The following AOAH variants were observed in gnomAD, a reference collection of about 807,000 sequenced individuals.
AOAH encodes the protein acyloxyacyl hydrolase.
AOAH carries 64 observed loss-of-function variants against 92.2 expected under a neutral mutation model. The ratio of observed to expected loss-of-function variants is 0.69; its 90% CI spans 0.57 to 0.86. AOAH has a LOEUF of 0.86. Ranked by LOEUF, AOAH falls within the 40% of genes least tolerant of loss-of-function variation. The pLI, the probability that AOAH is intolerant of heterozygous loss-of-function variation, is 0.00. For missense variants in AOAH, 656 were observed against 694.6 expected, an observed-to-expected ratio of 0.94 and a Z score of 0.62; for synonymous variants, 263 against 254.5, an observed-to-expected ratio of 1.03 and a Z score of -0.32.
chr7:36,537,265 T>A lies in AOAH; in HGVS notation c.1306+3054A>T, dbSNP rs1452775393. The stretch of plus-strand genomic sequence containing the variant: ...TTTTTTTTTTTTCCAAAACTACTGA[T>A]GTTTCTGTAGAACAAACTTGTTCTA... On this transcript the variant is annotated intron_variant, in intron 16 of 20. Transcript: ENST00000617537. Among the ~76,000 whole-genome samples the A allele has an allele frequency of 2.0e-5, 3 of 150,230 alleles. No homozygotes were observed. The Admixed American group carries it at 2.0e-4, about 10-fold the overall frequency.
intron 20 of AOAH, among the ~76,000 whole-genome samples, chr7:36,518,451 A>C (rs548190778): frequency 6.0e-4 from 91 of 152,310 alleles, no homozygotes; most frequent in African/African-American, 2.0e-3. Context: ...TCATTTTACC[A>C]GCGGAAACTT....
intron 19 of AOAH, among the ~76,000 whole-genome samples, chr7:36,524,297 T>C (rs1157118041): frequency 6.6e-6 from 1 of 152,010 alleles, no homozygotes; most frequent in Non-Finnish European, 1.5e-5. Context: ...CGCAGTATGA[T>C]GGCATAGGTA....
intron 3 of AOAH, among the ~76,000 whole-genome samples, chr7:36,667,890 C>T (rs564623490): frequency 5.3e-5 from 8 of 152,164 alleles, no homozygotes; most frequent in African/African-American, 1.9e-4. Flanking sequence ...TTGATTAATG[C>T]TAGCATGGTA....
Position 36,542,884 on chromosome 7 carries a change from T to C in AOAH, c.1134-2393A>G, listed in dbSNP as rs565783840. On this transcript the variant is annotated intron_variant, in intron 15 of 20. Transcript: ENST00000617537. ...TGCTTTAGAATGGTTAGTCTTACAT[T>C]ATGTGAATTTCACCTGAATAAAAAA... Among the ~76,000 whole-genome samples the C allele has an allele frequency of 2.8e-4, 42 of 152,324 alleles. No homozygotes were observed. The South Asian group carries it at 3.7e-3, about 14-fold the overall frequency.
intron 1 of AOAH, among the ~76,000 whole-genome samples, chr7:36,700,489 A>C (rs765368223): frequency 4.6e-5 from 7 of 152,070 alleles, no homozygotes; most frequent in Non-Finnish European, 8.8e-5. Flanking sequence ...ATGTTGTTGC[A>C]AAAGACATGA....
intron 4 of AOAH, among the ~76,000 whole-genome samples, chr7:36,648,485 A>G (rs1794371641): frequency 6.6e-6 from 1 of 151,936 alleles, no homozygotes; most frequent in Non-Finnish European, 1.5e-5. Context: ...TGTGTGGCAT[A>G]TTACAAAACA....
chr7:36,513,019 A>C lies in AOAH; in HGVS notation c.*233T>G, dbSNP rs1175367912. Reference sequence around the variant, plus strand: ...TCTTGTTTGGAATGGCACCCAAAGCACTTTATGAAAGGTTATTTCAGGAAC... The same window carrying C: ...TCTTGTTTGGAATGGCACCCAAAGCCCTTTATGAAAGGTTATTTCAGGAAC... On this transcript the variant is annotated 3_prime_UTR_variant, in exon 21 of 21. Coordinates refer to ENST00000617537, the MANE Select transcript of AOAH (RefSeq NM_001637.4). 1.3e-6 allele frequency: 2 copies of C among 1,528,978 alleles called. No individual in the cohort carries two copies. Among genetic ancestry groups the C allele is most frequent in the Non-Finnish European group, 1.8e-6 (2 of 1,140,862 alleles). The allele number at this position is 1,528,978 out of a possible 1,614,324, so 94.7% of individuals were successfully genotyped here.
intron 13 of AOAH, among the ~76,000 whole-genome samples, chr7:36,562,662 C>T (rs1180070380): frequency 6.6e-6 from 1 of 152,108 alleles, no homozygotes; most frequent in Non-Finnish European, 1.5e-5. Flanking sequence ...TCCATAAATG[C>T]ATATTCAGAA....
chr7:36,621,596 G>GA, intron 8 of AOAH, 114 bp downstream of exon 8: 7 of 1,009,464 alleles, frequency 6.9e-6, no homozygotes, highest in Non-Finnish European at 1.1e-5. Flanking sequence ...ATCGGAACAT[G>GA]AAAATCTCTT....
intron 15 of AOAH, among the ~76,000 whole-genome samples, chr7:36,545,064 T>C (rs3915168): frequency 6.6e-6 from 1 of 151,346 alleles, no homozygotes; most frequent in South Asian, 2.1e-4. Flanking sequence ...TTTTTTTTTT[T>C]AAATAGAGAC....
intron 19 of AOAH, among the ~76,000 whole-genome samples, chr7:36,529,231 TAA>T (rs61477972): frequency 6.9e-6 from 1 of 145,140 alleles, no homozygotes; most frequent in African/African-American, 2.5e-5. Flanking sequence ...CTCTGGAAAG[TAA>T]AAAAAAAAAG....
rs1488446450 is a variant in AOAH at position 36,516,237 on chromosome 7, C to T, written c.1600-2857G>A. ...CATCCTACACACACCCCACACACAC[C>T]TCACACAGATACCACCACATGCACA... On this transcript the variant is annotated intron_variant, in intron 20 of 20. Transcript: ENST00000617537. This position sits in a 1 kb window ranked among gnomAD's most constrained non-coding sequence, Gnocchi z 5.0. Among the ~76,000 whole-genome samples the T allele has an allele frequency of 6.7e-6, 1 of 150,288 alleles. No individual in the cohort carries two copies. The highest frequency in any genetic ancestry group is 2.5e-5 in the African/African-American group (1 of 40,810).
At chr7:36,699,632 TATTTG>T (rs200721499) in intron 1 of AOAH, among the ~76,000 whole-genome samples, 30 of 23,036 alleles carry the variant, frequency 1.3e-3, no homozygotes, top group East Asian at 6.5e-3. Flanking sequence ...TAAATTGGAT[TATTTG>T]TTTTTTTTTT....
rs574426663 is a variant in AOAH, at chr7:36,516,793, CCTAT to C, written c.1600-3417_1600-3414del. Among the ~76,000 whole-genome samples, 97 of 152,194 alleles carry C rather than the reference CCTAT, an allele frequency of 6.4e-4. No homozygotes were observed. The highest frequency in any genetic ancestry group is 1.5e-3 in the African/African-American group (64 of 41,524). On this transcript the variant is annotated intron_variant, in intron 20 of 20. Coordinates refer to ENST00000617537, the MANE Select transcript of AOAH (RefSeq NM_001637.4). The surrounding 1 kb of genome is among the most constrained non-coding windows in gnomAD (Gnocchi z 5.0). ...TATGTGGTACCAAGGCATTTATTTC[CCTAT>C]CTATGTTAATAAGGGAGGAGACAGG...
intron 15 of AOAH, among the ~76,000 whole-genome samples, chr7:36,541,117 T>C (rs1472593956): frequency 6.6e-6 from 1 of 152,238 alleles, no homozygotes; most frequent in Non-Finnish European, 1.5e-5. Context: ...ATATTATACG[T>C]CCACACTGTA....
chr7:36,549,818 C>T (rs767402273), intron 13 of AOAH, among the ~76,000 whole-genome samples: 1 of 151,964 alleles, frequency 6.6e-6, no homozygotes, highest in Non-Finnish European at 1.5e-5. Context: ...GACAAACTAC[C>T]GAAAATATTC....
At chr7:36,686,614 G>T (rs1050025061) in intron 2 of AOAH, 85 bp downstream of exon 2, 5 of 640,526 alleles carry the variant, frequency 7.8e-6, no homozygotes, top group African/African-American at 7.5e-5. Flanking sequence ...CTCTGTAAGT[G>T]TGGGCAGGAA....
intron 1 of AOAH, among the ~76,000 whole-genome samples, chr7:36,693,443 C>T (rs1301828334): frequency 6.6e-6 from 1 of 152,048 alleles, no homozygotes; most frequent in Admixed American, 6.5e-5. Flanking sequence ...ATTGATAATT[C>T]CTCTTCTTGA....
intron 13 of AOAH, among the ~76,000 whole-genome samples, chr7:36,556,536 C>G (rs1487796613): frequency 9.3e-5 from 14 of 151,318 alleles, no homozygotes; most frequent in Non-Finnish European, 1.6e-4. Context: ...TCCTGGGTAT[C>G]CTTGTTAACT....
Sources: allele counts gnomAD v4.1 joint callset (sites outside exome capture counted in the v4.1 genomes callset), GRCh38; gene constraint gnomAD v4.1.1; non-coding constraint Gnocchi (gnomAD v3.1); transcripts MANE v1.5; gene names NCBI Gene and HGNC (gene_info 2026-07-23, HGNC 2026-07-21).